Variants in OTULIN observed in about 807,000 individuals in gnomAD.
OTULIN encodes ubiquitin thioesterase otulin.
A neutral mutation model predicts 39.6 loss-of-function variants in OTULIN; 15 were observed. That is an observed-to-expected ratio of 0.38 (90% confidence interval 0.25 to 0.58). The LOEUF (loss-of-function observed/expected upper bound fraction) is 0.58. Ranked by LOEUF, OTULIN falls within the 20% of genes least tolerant of loss-of-function variation. OTULIN has a pLI of 0.66. For synonymous variants in OTULIN, 156 were observed against 170.3 expected (o/e 0.92, Z 0.65); for missense variants, 319 against 445.9 (o/e 0.72, Z 2.56).
intron 1 of OTULIN, among the ~76,000 whole-genome samples, chr5:14,673,040 A>C (rs926040867): frequency 3.9e-5 from 6 of 152,154 alleles, no homozygotes; most frequent in Admixed American, 3.3e-4. Flanking sequence ...TCTGAGTAAG[A>C]AGTCGGTAGT....
chr5:14,678,050 G>T (rs1736149478), intron 2 of OTULIN, among the ~76,000 whole-genome samples: 1 of 152,156 alleles, frequency 6.6e-6, no homozygotes, highest in South Asian at 2.1e-4. Flanking sequence ...GGGTGTGTGT[G>T]GGGGGTGGTG....
intron 3 of OTULIN, among the ~76,000 whole-genome samples, chr5:14,680,092 T>G (rs1417200743): frequency 6.6e-6 from 1 of 152,240 alleles, no homozygotes; most frequent in Non-Finnish European, 1.5e-5. Context: ...CAGATTTAAT[T>G]TTATTCTGAA....
intron 4 of OTULIN, among the ~76,000 whole-genome samples, chr5:14,685,652 A>G (rs982284547): frequency 1.3e-5 from 2 of 152,170 alleles, no homozygotes; most frequent in African/African-American, 4.8e-5. Flanking sequence ...ATCAGAAACA[A>G]TTGTTTCTCT....
chr5:14,692,881 G>C lies in OTULIN; in HGVS notation c.892G>C (p.Val298Leu). The C allele has an allele frequency of 2.5e-6, 4 of 1,614,086 alleles. No homozygotes were observed. Among genetic ancestry groups the C allele is most frequent in the Non-Finnish European group, 3.4e-6 (4 of 1,180,016 alleles). ...QVEMFLLAYA[V>L]RHTIQVYRLS... is the part of the protein sequence containing the mutation. ...TGAAATGTTCCTTCTTGCCTATGCTGTGCGCCACACCATCCAGGTGTACCG... is the reference window on the plus strand; with the variant it reads ...TGAAATGTTCCTTCTTGCCTATGCTCTGCGCCACACCATCCAGGTGTACCG... Residue 298 changes from valine (V) to leucine (L), a missense_variant, in exon 7 of 7, where the codon GTG becomes CTG. By Grantham distance (32) the Val-to-Leu change is conservative. This residue lies in a region of OTULIN where 106 missense variants were observed against 192.8 expected (regional missense o/e 0.55). Transcript: ENST00000284274.
chr5:14,707,296 GAAAAA>G, the OTULIN span: 2 of 149,610 alleles, frequency 1.3e-5, no homozygotes, highest in Non-Finnish European at 3.0e-5. Context: ...TTTGAAGGGG[GAAAAA>G]AAAAAACCAG....
chr5:14,689,260 A>C (rs753384453), intron 5 of OTULIN, among the ~76,000 whole-genome samples: 1 of 152,190 alleles, frequency 6.6e-6, no homozygotes. Flanking sequence ...CCTTCAGCCC[A>C]AATATTAGAG....
At chr5:14,689,919 T>G in intron 5 of OTULIN, 120 bp from the exon 6 acceptor site, 2 of 988,998 alleles carry the variant, frequency 2.0e-6, no homozygotes, top group East Asian at 4.8e-5. Context: ...CTGAATGTTG[T>G]GAGCATTGGT....
At position 14,693,252 on chromosome 5, in the gene OTULIN, A is replaced by C. The variant is rs1324332601; in HGVS notation, c.*204A>C. On this transcript the variant is annotated 3_prime_UTR_variant, in exon 7 of 7. Transcript: ENST00000284274. Reference sequence around the variant, plus strand: ...TCTTTCCCCTCATCTATGATGCAATATATTTCAGTGGGGGCCTTCAGAGCA... The same window carrying C: ...TCTTTCCCCTCATCTATGATGCAATCTATTTCAGTGGGGGCCTTCAGAGCA... The C allele has an allele frequency of 3.8e-6, 2 of 532,032 alleles. No homozygotes were observed. The highest frequency in any genetic ancestry group is 3.8e-5 in the African/African-American group (2 of 52,800). 33.0% of individuals were successfully genotyped at this position (532,032 alleles called of 1,614,324 possible). A position where few individuals can be genotyped will look rare whatever the true frequency, so the allele number is the denominator to read the frequency against.
chr5:14,712,629 CCT>C, the OTULIN span, among the ~76,000 whole-genome samples: 1 of 152,368 alleles, frequency 6.6e-6, no homozygotes, highest in African/African-American at 2.4e-5. Context: ...CATGTCCACA[CCT>C]CTCTCCCCTT....
chr5:14,681,394 A>T, intron 3 of OTULIN, 70 bp from the exon 4 acceptor site: 1 of 1,517,550 alleles, frequency 6.6e-7, no homozygotes, highest in Non-Finnish European at 8.8e-7. Context: ...CTTTTTCCAC[A>T]GGAATGAAAC....
chr5:14,680,293 A>T lies in OTULIN; in HGVS notation c.325-1171A>T, dbSNP rs115281231. On this transcript the variant is annotated intron_variant, in intron 3 of 6. Coordinates refer to ENST00000284274, the MANE Select transcript of OTULIN (RefSeq NM_138348.6). ...AAAATGCAACCCTCAAAATGTTGTT[A>T]TTGGGGGAAAAAAGTACTTTTATAT... Among the ~76,000 whole-genome samples the T allele has an allele frequency of 1.0e-2, 1,519 of 152,278 alleles. 28 individuals carry two copies. Among genetic ancestry groups the T allele is most frequent in the African/African-American group, 0.034 (1,431 of 41,550 alleles).
At chr5:14,709,122 G>A in the OTULIN span, 2 of 152,184 alleles carry the variant, frequency 1.3e-5, no homozygotes, top group African/African-American at 2.4e-5. Context: ...TCAAACTCCT[G>A]ACCTTAAGTG....
chr5:14,692,965 G>A lies in OTULIN; in HGVS notation c.976G>A (p.Asp326Asn), dbSNP rs533246626. 2 of 1,614,126 alleles carry A rather than the reference G, an allele frequency of 1.2e-6. No homozygotes were observed. Among genetic ancestry groups the A allele is most frequent in the African/African-American group, 2.7e-5 (2 of 75,016 alleles). The part of the protein sequence containing the change: ...ITVYPTDPPK[D>N]WPVVTLIAED... Reference sequence around the variant, plus strand: ...AGTCTACCCCACCGACCCACCCAAGGACTGGCCAGTGGTAACGCTCATTGC... The same window carrying A: ...AGTCTACCCCACCGACCCACCCAAGAACTGGCCAGTGGTAACGCTCATTGC... Residue 326 changes from aspartate (D) to asparagine (N), a missense_variant, in exon 7 of 7, where the codon GAC becomes AAC. Transcript: ENST00000284274.
At chr5:14,711,882 C>T in the OTULIN span, among the ~76,000 whole-genome samples, 2 of 152,298 alleles carry the variant, frequency 1.3e-5, no homozygotes, top group South Asian at 4.2e-4. Context: ...ACTGCTGGGT[C>T]ACTGCAGACC....
At chr5:14,715,234 C>T in the OTULIN span, among the ~76,000 whole-genome samples, 45 of 152,302 alleles carry the variant, frequency 3.0e-4, 1 homozygote, top group Middle Eastern at 3.4e-3. Context: ...TGGGTTCAAG[C>T]GATTCTCCTG....
At chr5:14,714,688 C>T in the OTULIN span, among the ~76,000 whole-genome samples, 3 of 152,040 alleles carry the variant, frequency 2.0e-5, no homozygotes, top group Non-Finnish European at 2.9e-5. Context: ...GGTTTTTGAC[C>T]AAAGGAGAGA....
At chr5:14,700,933 G>A (rs1284326167), downstream of OTULIN, among the ~76,000 whole-genome samples, 1 of 152,082 alleles carries the variant, frequency 6.6e-6, no homozygotes, top group African/African-American at 2.4e-5. Flanking sequence ...TCAGAAATTG[G>A]AATATCGCAT....
intron 5 of OTULIN, 96 bp from the exon 6 acceptor site, chr5:14,689,943 T>C: frequency 2.3e-6 from 3 of 1,308,732 alleles, no homozygotes; most frequent in Admixed American, 2.3e-5. Flanking sequence ...TGACCCATGG[T>C]CACTTTTAAA....
chr5:14,712,223 G>A, the OTULIN span, among the ~76,000 whole-genome samples: 1,262 of 152,346 alleles, frequency 8.3e-3, 21 homozygotes, highest in African/African-American at 0.029. Context: ...GTCACGCACC[G>A]TGAGCAGGCT....
Sources: allele counts gnomAD v4.1 joint callset (sites outside exome capture counted in the v4.1 genomes callset), GRCh38; gene constraint gnomAD v4.1.1; regional missense constraint gnomAD v4.1.1; transcripts MANE v1.5; gene names NCBI Gene and HGNC (gene_info 2026-07-23, HGNC 2026-07-21).